Variants in CCDC181 observed in about 807,000 individuals in gnomAD.
CCDC181 encodes coiled-coil domain containing 181.
A neutral mutation model predicts 58.7 loss-of-function variants in CCDC181; 35 were observed. The observed-to-expected ratio is 0.60, with a 90% confidence interval of 0.46 to 0.79. The LOEUF is 0.79. Among genes scored for constraint, CCDC181 ranks in the 30% least tolerant of loss-of-function variants. CCDC181 has a pLI of 0.00. For missense variants in CCDC181, 517 were observed against 583.9 expected (o/e 0.89, Z 1.18); for synonymous variants, 183 against 197.5 (o/e 0.93, Z 0.62).
chr1:169,428,474 T>C (rs1439352205), upstream of CCDC181, among the ~76,000 whole-genome samples: 2 of 148,560 alleles, frequency 1.3e-5, no homozygotes, highest in Non-Finnish European at 2.9e-5. Context: ...CCTCCTAAAT[T>C]TGTATTTTTC....
At chr1:169,395,879 T>TG (rs532683659) in intron 5 of CCDC181, 1 of 50,988 alleles carries the variant, frequency 2.0e-5, no homozygotes, top group Admixed American at 2.7e-4. Flanking sequence ...GGTTTTGTTG[T>TG]TTTTTTTTTT....
Position 169,413,414 on chromosome 1 carries a change from T to C in CCDC181, c.1215+5599A>G, listed in dbSNP as rs528736689. 6.2e-4 allele frequency among the ~76,000 whole-genome samples: 95 copies of C among 152,300 alleles called. No individual in the cohort carries two copies. The South Asian group carries it at 9.7e-3, about 16-fold the overall frequency. On this transcript the variant is annotated intron_variant, in intron 4 of 5. Coordinates refer to ENST00000367806, the MANE Select transcript of CCDC181 (RefSeq NM_001300969.2). ...GAGAAATAGGAATTCTTTTACAGTG[T>C]TGGTGGGAGTGTAAATTAGTTCAAC...
At chr1:169,452,190 G>T (rs1320841028) in intron 2 of CCDC181, among the ~76,000 whole-genome samples, 5 of 151,916 alleles carry the variant, frequency 3.3e-5, no homozygotes, top group African/African-American at 1.2e-4. Flanking sequence ...AGAAGAGGAA[G>T]AACCAGCAAA....
intron 2 of CCDC181, among the ~76,000 whole-genome samples, chr1:169,448,313 A>G (rs1040203170): frequency 6.6e-6 from 1 of 152,064 alleles, no homozygotes; most frequent in Non-Finnish European, 1.5e-5. Flanking sequence ...TTTCTGACCT[A>G]TGTCATTTTC....
chr1:169,451,666 C>A (rs1368673777), intron 2 of CCDC181, among the ~76,000 whole-genome samples: 1 of 151,342 alleles, frequency 6.6e-6, no homozygotes, highest in Non-Finnish European at 1.5e-5. Flanking sequence ...CTAAACAATA[C>A]CCAGGTAACA....
chr1:169,426,410 A>G (rs1292480066), intron 1 of CCDC181, among the ~76,000 whole-genome samples: 2 of 152,182 alleles, frequency 1.3e-5, no homozygotes, highest in African/African-American at 2.4e-5. Flanking sequence ...AACATTTATC[A>G]TCAGTAAAAA....
intron 4 of CCDC181, among the ~76,000 whole-genome samples, chr1:169,399,882 C>A (rs572232162): frequency 3.9e-5 from 6 of 152,190 alleles, no homozygotes; most frequent in Non-Finnish European, 8.8e-5. Context: ...TAGCATCAAG[C>A]AGTCACTAGT....
intron 4 of CCDC181, among the ~76,000 whole-genome samples, chr1:169,408,213 G>A (rs1301776399): frequency 2.6e-5 from 4 of 152,224 alleles, no homozygotes; most frequent in Non-Finnish European, 4.4e-5. Context: ...GTCGACCTGG[G>A]ACGCTCGAGC....
Position 169,457,161 on chromosome 1 carries a change from C to G in CCDC181, c.-24+2636G>C, listed in dbSNP as rs191088283. On this transcript the variant is annotated intron_variant, in intron 2 of 6. Transcript: ENST00000545005. Reference sequence around the variant, plus strand: ...ATATGATGTCTTTTCTCTCTGGCTGCTTTTATGATCTTCTCCTTGTCCTAA... The same window carrying G: ...ATATGATGTCTTTTCTCTCTGGCTGGTTTTATGATCTTCTCCTTGTCCTAA... Among the ~76,000 whole-genome samples the G allele has an allele frequency of 6.6e-5, 10 of 152,206 alleles. No homozygotes were observed. The East Asian group carries it at 1.9e-3, about 29-fold the overall frequency.
chr1:169,397,823 A>G (rs1271517606), intron 4 of CCDC181, among the ~76,000 whole-genome samples: 2 of 152,208 alleles, frequency 1.3e-5, no homozygotes, highest in East Asian at 3.8e-4. Flanking sequence ...GAGAGAAAGA[A>G]GACAGATTTG....
At chr1:169,441,378 A>G (rs576693875) in intron 2 of CCDC181, among the ~76,000 whole-genome samples, 14 of 152,320 alleles carry the variant, frequency 9.2e-5, no homozygotes, top group African/African-American at 2.9e-4. Context: ...ATTTTGGGAA[A>G]GTGCAGAACT....
intron 4 of CCDC181, among the ~76,000 whole-genome samples, chr1:169,408,620 G>T (rs572222478): frequency 5.3e-5 from 8 of 152,174 alleles, no homozygotes; most frequent in African/African-American, 1.9e-4. Flanking sequence ...TCCCAGCAGG[G>T]GTCGAGAGAC....
At chr1:169,426,465 CTGTAGTAA>C (rs1336410708) in intron 1 of CCDC181, among the ~76,000 whole-genome samples, 2 of 152,162 alleles carry the variant, frequency 1.3e-5, no homozygotes, top group African/African-American at 4.8e-5. Flanking sequence ...TAATACGGAA[CTGTAGTAA>C]GAGACGGAAA....
chr1:169,398,204 A>G (rs1453332821), intron 4 of CCDC181, among the ~76,000 whole-genome samples: 1 of 152,212 alleles, frequency 6.6e-6, no homozygotes, highest in Non-Finnish European at 1.5e-5. Context: ...AAAGTAATAG[A>G]TAGGAGGAAT....
At chr1:169,449,433 A>T (rs531422497) in intron 2 of CCDC181, among the ~76,000 whole-genome samples, 2 of 152,346 alleles carry the variant, frequency 1.3e-5, no homozygotes, top group Admixed American at 6.5e-5. Context: ...CAGGACTAAT[A>T]GGATAGATGT....
chr1:169,410,945 T>C (rs1655931501), intron 4 of CCDC181, among the ~76,000 whole-genome samples: 1 of 152,126 alleles, frequency 6.6e-6, no homozygotes, highest in African/African-American at 2.4e-5. Context: ...GCGGGAAACA[T>C]CTAAAATCAA....
chr1:169,460,368 A>C (rs950396973), exon 1 of CCDC181: 3 of 151,104 alleles, frequency 2.0e-5, no homozygotes, highest in Admixed American at 2.0e-4. Context: ...CCAGAGTTCG[A>C]CTCCTCCTCC....
chr1:169,398,199 AATAG>A (rs1215960036), intron 4 of CCDC181, among the ~76,000 whole-genome samples: 4 of 152,346 alleles, frequency 2.6e-5, no homozygotes, highest in South Asian at 4.1e-4. Context: ...GATACAAAGT[AATAG>A]ATAGGAGGAA....
chr1:169,395,593 G>A (rs2102030851), intron 5 of CCDC181, among the ~76,000 whole-genome samples: 1 of 152,194 alleles, frequency 6.6e-6, no homozygotes, highest in East Asian at 1.9e-4. Context: ...ACTTAGCTAG[G>A]TTAAGAATAC....
Sources: gnomAD v4.1 joint callset for allele counts (sites outside exome capture counted in the v4.1 genomes callset) on GRCh38, gnomAD v4.1.1 for gene constraint, MANE v1.5 for transcripts, NCBI Gene and HGNC (gene_info 2026-07-23, HGNC 2026-07-21) for gene names.